The following NLGN4Y variants were observed in gnomAD, a reference collection of about 807,000 sequenced individuals.
NLGN4Y encodes the protein neuroligin 4 Y-linked.
A neutral mutation model predicts 8.4 loss-of-function variants in NLGN4Y; 4 were observed. That is an observed-to-expected ratio of 0.48 (90% CI 0.23 to 1.09). The LOEUF (loss-of-function observed/expected upper bound fraction) is 1.09. Among genes scored for constraint, NLGN4Y ranks in the 50% least tolerant of loss-of-function variants. The pLI is 0.19. For synonymous variants in NLGN4Y, 35 were observed against 75.6 expected, an observed-to-expected ratio of 0.46 and a Z score of 2.78; for missense variants, 90 against 192.3, an observed-to-expected ratio of 0.47 and a Z score of 3.15.
intron 1 of NLGN4Y, among the ~76,000 whole-genome samples, chrY:14,566,222 C>G (rs775320797): frequency 3.0e-5 from 1 of 33,314 alleles, no homozygotes; most frequent in East Asian, 8.0e-4. Context: ...AAGACACAGA[C>G]TGGCAAATTG....
intron 2 of NLGN4Y, among the ~76,000 whole-genome samples, chrY:14,660,379 C>G: frequency 3.1e-5 from 1 of 32,759 alleles, no homozygotes; most frequent in East Asian, 8.1e-4. Context: ...ACCAATCCCC[C>G]GCCCTGCTTT....
At chrY:14,695,938 G>C in intron 2 of NLGN4Y, among the ~76,000 whole-genome samples, 2 of 31,917 alleles carry the variant, frequency 6.3e-5, no homozygotes, top group Admixed American at 3.0e-4. Context: ...TCTGTTGTAG[G>C]ATCGAAGTCC....
chrY:14,710,586 A>C, intron 2 of NLGN4Y, among the ~76,000 whole-genome samples: 1 of 33,809 alleles, frequency 3.0e-5, no homozygotes, highest in South Asian at 6.6e-4. Context: ...ACTGATTTGC[A>C]CTGTTAAATG....
At chrY:14,796,551 C>T (rs2043010804) in intron 4 of NLGN4Y, among the ~76,000 whole-genome samples, 3 of 23,564 alleles carry the variant, frequency 1.3e-4, no homozygotes, top group African/African-American at 5.1e-4. Context: ...GCCGTGATGG[C>T]GCCACTGCGA....
intron 1 of NLGN4Y, among the ~76,000 whole-genome samples, chrY:14,538,625 T>G: frequency 2.9e-5 from 1 of 33,903 alleles, no homozygotes; most frequent in Non-Finnish European, 7.3e-5. Flanking sequence ...TTTCCCTTTT[T>G]TTTTGAAGTG....
chrY:14,772,759 T>C, intron 4 of NLGN4Y, among the ~76,000 whole-genome samples: 1 of 33,316 alleles, frequency 3.0e-5, no homozygotes, highest in Non-Finnish European at 7.4e-5. Flanking sequence ...GCAAGGCTGA[T>C]TTAACAAGGG....
chrY:14,809,908 T>A (rs2043071827), intron 4 of NLGN4Y, among the ~76,000 whole-genome samples: 1 of 33,846 alleles, frequency 3.0e-5, no homozygotes, highest in African/African-American at 1.2e-4. Context: ...TGGTTATTTT[T>A]ATGCATCAGA....
intron 6 of NLGN4Y, among the ~76,000 whole-genome samples, chrY:14,833,306 A>G (rs778616170): frequency 3.0e-5 from 1 of 33,005 alleles, no homozygotes; most frequent in African/African-American, 1.2e-4. Flanking sequence ...CAATTATTAC[A>G]TGGTCTTGAG....
chrY:14,625,927 G>C (rs2080525783), intron 2 of NLGN4Y, among the ~76,000 whole-genome samples: 1 of 33,930 alleles, frequency 2.9e-5, no homozygotes, highest in Non-Finnish European at 7.3e-5. Context: ...GCTTGGAAGA[G>C]AAAAAGCCGT....
chrY:14,590,121 G>A, intron 1 of NLGN4Y, among the ~76,000 whole-genome samples: 1 of 34,333 alleles, frequency 2.9e-5, no homozygotes, highest in Non-Finnish European at 7.3e-5. Context: ...ACTCCAGCTG[G>A]CCCACAAGTG....
intron 4 of NLGN4Y, among the ~76,000 whole-genome samples, chrY:14,756,866 CAT>C (rs145217639): frequency 0.014 from 30 of 2,139 alleles, no homozygotes; most frequent in African/African-American, 0.025. Context: ...ATATTTTATA[CAT>C]ATATATATAT....
intron 1 of NLGN4Y, among the ~76,000 whole-genome samples, chrY:14,582,433 T>C (rs942681458): frequency 3.7e-4 from 12 of 32,789 alleles, no homozygotes; most frequent in African/African-American, 1.4e-3. Context: ...ATCCTGCCAC[T>C]GCACTCCAGT....
chrY:14,767,138 T>C, intron 4 of NLGN4Y, among the ~76,000 whole-genome samples: 1 of 33,301 alleles, frequency 3.0e-5, no homozygotes, highest in Non-Finnish European at 7.4e-5. Context: ...TTCTATCTTT[T>C]TGCAGCTTTG....
intron 4 of NLGN4Y, among the ~76,000 whole-genome samples, chrY:14,737,720 G>A: frequency 3.1e-5 from 1 of 32,424 alleles, no homozygotes; most frequent in Non-Finnish European, 7.5e-5. Context: ...ATGTTCAAAT[G>A]TATTATATTG....
At chrY:14,585,109 AAC>A (rs2080335187) in intron 1 of NLGN4Y, among the ~76,000 whole-genome samples, 1 of 33,878 alleles carries the variant, frequency 3.0e-5, no homozygotes. Flanking sequence ...TTGTCCTACC[AAC>A]ATTGATAATG....
At chrY:14,706,797 A>AT (rs1380737338) in intron 2 of NLGN4Y, among the ~76,000 whole-genome samples, 3 of 19,447 alleles carry the variant, frequency 1.5e-4, no homozygotes, top group Non-Finnish European at 3.3e-4. Flanking sequence ...TTTAAAAAAA[A>AT]ATATATATAT....
At position 14,693,912 on chromosome Y, in the gene NLGN4Y, TA is replaced by T. The variant is rs768763131; in HGVS notation, c.473-25533del. On this transcript the variant is annotated intron_variant, in intron 2 of 6. Coordinates refer to ENST00000684976, the MANE Select transcript of NLGN4Y (RefSeq NM_001365588.1). ...GAAGTTCTAATTTAGGGACAAAAAT[TA>T]AAAAAAAAAAAAACATGTTGCATGT... Among the ~76,000 whole-genome samples the T allele has an allele frequency of 1.2e-3, 31 of 26,635 alleles. No homozygotes were observed. In the East Asian group the frequency reaches 0.017, roughly 15 times the overall value. The allele number at this position is 26,635 out of a possible 37,273, so 71.5% of individuals were successfully genotyped here. A position where few individuals can be genotyped will look rare whatever the true frequency, so the allele number is the denominator to read the frequency against.
intron 2 of NLGN4Y, among the ~76,000 whole-genome samples, chrY:14,692,737 C>T (rs1024838613): frequency 5.9e-5 from 2 of 33,700 alleles, no homozygotes; most frequent in Non-Finnish European, 1.5e-4. Context: ...ACTTCTTAGA[C>T]GCTAAGTGCA....
intron 4 of NLGN4Y, among the ~76,000 whole-genome samples, chrY:14,788,691 T>C (rs2150578901): frequency 3.0e-5 from 1 of 33,710 alleles, no homozygotes; most frequent in East Asian, 7.8e-4. Flanking sequence ...AATCAGCTTA[T>C]CTTAACATCA....
Sources: allele counts gnomAD v4.1 joint callset (sites outside exome capture counted in the v4.1 genomes callset), GRCh38; gene constraint gnomAD v4.1.1; transcripts MANE v1.5; gene names NCBI Gene and HGNC (gene_info 2026-07-23, HGNC 2026-07-21).